DGKB: variants seen among roughly 807,000 people sequenced by gnomAD.
DGKB encodes diacylglycerol kinase beta.
In DGKB, 67 loss-of-function variants were observed where a neutral mutation model predicts 114.3. That is an observed-to-expected ratio of 0.59 (90% CI 0.48 to 0.72). DGKB has a LOEUF of 0.72. Ranked by LOEUF, DGKB falls within the 30% of genes least tolerant of loss-of-function variation. The pLI is 0.00. For missense variants in DGKB, 907 were observed against 975.2 expected (o/e 0.93, Z 0.93); for synonymous variants, 398 against 323.1 (o/e 1.23, Z -2.49).
intron 25 of DGKB, among the ~76,000 whole-genome samples, chr7:14,157,006 A>AT (rs1562490783): frequency 6.6e-6 from 1 of 152,038 alleles, no homozygotes; most frequent in Admixed American, 6.6e-5. Context: ...AGCAGGTAGC[A>AT]TTTTTTCCTA....
intron 20 of DGKB, among the ~76,000 whole-genome samples, chr7:14,550,611 A>G (rs894844598): frequency 6.6e-6 from 1 of 152,272 alleles, no homozygotes; most frequent in East Asian, 1.9e-4. Flanking sequence ...ACAACTGAGG[A>G]CATTTTCTTT....
chr7:14,718,701 T>C lies in DGKB; in HGVS notation c.323-16A>G, dbSNP rs776069807. On this transcript the variant is annotated splice_polypyrimidine_tract_variant and intron_variant, in intron 5 of 25. Coordinates refer to ENST00000402815, the MANE Select transcript of DGKB (RefSeq NM_001350709.2). ...ATTCTCAGACCTGGAAAAAAAATTG[T>C]CTTTATATTTTGTTAATTATTTACA... 1.3e-5 allele frequency: 20 copies of C among 1,587,742 alleles called. No individual in the cohort carries two copies. Among genetic ancestry groups the C allele is most frequent in the Middle Eastern group, 3.4e-4 (2 of 5,958 alleles).
chr7:14,886,453 C>G (rs1855063790), intron 1 of DGKB, among the ~76,000 whole-genome samples: 1 of 151,758 alleles, frequency 6.6e-6, no homozygotes, highest in Non-Finnish European at 1.5e-5. Context: ...TAACAGCAAA[C>G]CAAAGACTCC....
rs376277297 is a variant in DGKB, at chr7:14,705,907, A to C, written c.467-4177T>G. On this transcript the variant is annotated intron_variant, in intron 6 of 25. Coordinates refer to ENST00000402815, the MANE Select transcript of DGKB (RefSeq NM_001350709.2). The stretch of plus-strand genomic sequence containing the variant: ...CGAGACTAGGAAGAAACTGCATCAA[A>C]TAACGAGCAAAATCACCAGCTAACA... Among the ~76,000 whole-genome samples, 835 of 149,826 alleles carry C rather than the reference A, an allele frequency of 5.6e-3. 3 individuals carry two copies. Among genetic ancestry groups the C allele is most frequent in the African/African-American group, 0.017 (675 of 40,616 alleles).
chr7:14,387,097 ATTATTTATTTAT>A (rs140868127), intron 21 of DGKB, among the ~76,000 whole-genome samples: 4,866 of 147,302 alleles, frequency 0.033, 278 homozygotes, highest in African/African-American at 0.11. Flanking sequence ...GTTTCTTTTG[ATTATTTATTTAT>A]TTATTTATTT....
At chr7:14,842,380 T>C (rs994245391) in intron 1 of DGKB, among the ~76,000 whole-genome samples, 1 of 152,204 alleles carries the variant, frequency 6.6e-6, no homozygotes, top group East Asian at 1.9e-4. Context: ...CTTTAAAAAC[T>C]GTTCTTTTTG....
At chr7:14,556,326 A>G (rs1015299617) in intron 20 of DGKB, among the ~76,000 whole-genome samples, 9 of 152,120 alleles carry the variant, frequency 5.9e-5, no homozygotes, top group Admixed American at 3.3e-4. Flanking sequence ...TTTAAAAAAT[A>G]TATATTTAGT....
At chr7:14,933,539 T>G (rs1785134959) in intron 1 of DGKB, among the ~76,000 whole-genome samples, 3 of 152,204 alleles carry the variant, frequency 2.0e-5, no homozygotes. Context: ...ACAATTATTG[T>G]TGTGCTAATT....
intron 23 of DGKB, among the ~76,000 whole-genome samples, chr7:14,261,469 G>A (rs371433478): frequency 2.4e-4 from 37 of 152,112 alleles, no homozygotes; most frequent in Non-Finnish European, 4.3e-4. Flanking sequence ...AGTGAAGGAT[G>A]AGTGAGGAAC....
chr7:14,407,899 T>C (rs1423340003), intron 21 of DGKB, among the ~76,000 whole-genome samples: 1 of 151,792 alleles, frequency 6.6e-6, no homozygotes, highest in Non-Finnish European at 1.5e-5. Context: ...AAAACCATGA[T>C]CCTCTCCATG....
At chr7:14,627,187 A>G (rs535324222) in intron 14 of DGKB, among the ~76,000 whole-genome samples, 75 of 152,308 alleles carry the variant, frequency 4.9e-4, no homozygotes, top group Non-Finnish European at 9.7e-4. Flanking sequence ...TGATTTATTT[A>G]ACATCCTGTA....
chr7:14,676,322 T>C (rs1819848683), intron 12 of DGKB, among the ~76,000 whole-genome samples: 2 of 152,116 alleles, frequency 1.3e-5, no homozygotes, highest in Non-Finnish European at 1.5e-5. Context: ...TGAAAAGCTT[T>C]TTATAGTTTG....
chr7:14,659,793 G>A (rs1019678333), intron 13 of DGKB, among the ~76,000 whole-genome samples: 18 of 150,948 alleles, frequency 1.2e-4, no homozygotes, highest in Admixed American at 3.3e-4. Flanking sequence ...GTGAGAGAGG[G>A]CATCCCTGTC....
At chr7:14,215,408 A>G (rs1788796981) in intron 23 of DGKB, among the ~76,000 whole-genome samples, 1 of 152,094 alleles carries the variant, frequency 6.6e-6, no homozygotes, top group Admixed American at 6.6e-5. Flanking sequence ...CATAAATATT[A>G]TTCATTCTTC....
At chr7:14,330,914 T>A (rs537193008) in intron 23 of DGKB, among the ~76,000 whole-genome samples, 2 of 152,064 alleles carry the variant, frequency 1.3e-5, no homozygotes, top group East Asian at 3.9e-4. Flanking sequence ...TATTGAAAAT[T>A]TTTTTATTTT....
rs1822560034 is a variant in DGKB, at chr7:14,690,111, C to G, written c.711+3964G>C. Among the ~76,000 whole-genome samples the G allele has an allele frequency of 2.6e-5, 4 of 152,234 alleles. No homozygotes were observed. In the South Asian group the frequency reaches 8.3e-4, roughly 32 times the overall value. Reference sequence around the variant, plus strand: ...GCTTAAATGTACATTTCTCTTTTCCCTATAATATAAATTCAGGAATTTTCC... The same window carrying G: ...GCTTAAATGTACATTTCTCTTTTCCGTATAATATAAATTCAGGAATTTTCC... On this transcript the variant is annotated intron_variant, in intron 9 of 25. Transcript: ENST00000402815.
chr7:14,968,163 G>A (rs940821887), intron 1 of DGKB, among the ~76,000 whole-genome samples: 4 of 150,260 alleles, frequency 2.7e-5, no homozygotes, highest in Admixed American at 1.3e-4. Flanking sequence ...CTTTGTTCTT[G>A]TCTTTTTTTT....
chr7:14,848,595 G>C (rs1256610145), intron 1 of DGKB, among the ~76,000 whole-genome samples: 1 of 152,190 alleles, frequency 6.6e-6, no homozygotes, highest in African/African-American at 2.4e-5. Context: ...ATTCCCCTAA[G>C]CTCTGCTTCA....
chr7:14,582,542 G>A (rs1179605728), intron 18 of DGKB, among the ~76,000 whole-genome samples: 1 of 152,022 alleles, frequency 6.6e-6, no homozygotes, highest in East Asian at 1.9e-4. Context: ...ATCTCTACAT[G>A]GGATTATTAA....
Sources: gnomAD v4.1 joint callset for allele counts (sites outside exome capture counted in the v4.1 genomes callset) on GRCh38, gnomAD v4.1.1 for gene constraint, MANE v1.5 for transcripts, NCBI Gene and HGNC (gene_info 2026-07-23, HGNC 2026-07-21) for gene names.